Variants in SLC9A4 observed in about 807,000 individuals in gnomAD.
The protein encoded by SLC9A4 is sodium/hydrogen exchanger 4.
A neutral mutation model predicts 67.4 loss-of-function variants in SLC9A4; 63 were observed. The ratio of observed to expected loss-of-function variants is 0.93; its 90% CI spans 0.76 to 1.15. The LOEUF (loss-of-function observed/expected upper bound fraction) is 1.15. Among genes scored for constraint, SLC9A4 ranks in the 50% most tolerant of loss-of-function variants. The probability of loss-of-function intolerance (pLI) is 0.00; values close to 1 mark genes in which losing one functional copy is unlikely to be tolerated. For missense variants in SLC9A4, 1,089 were observed against 987.7 expected (o/e 1.10, Z -1.38); for synonymous variants, 393 against 367.2 (o/e 1.07, Z -0.80).
In SLC9A4 at chr2:102,479,035, C is replaced by T. The variant is rs61731285; in HGVS notation, c.453C>T (p.Phe151=). Residue 151 remains phenylalanine (F), a synonymous_variant, in exon 2 of 12, where the codon TTC becomes TTT. Transcript: ENST00000295269. Reference sequence around the variant, plus strand: ...GCTACTTCATGCCCACCCGGCCCTTCTTTGAGAACATCGGCTCCATCCTGT... The same window carrying T: ...GCTACTTCATGCCCACCCGGCCCTTTTTTGAGAACATCGGCTCCATCCTGT... ...EGGYFMPTRP[F]FENIGSILWW... is the part of the protein sequence containing the mutation. 8.4e-3 allele frequency: 13,526 copies of T among 1,614,158 alleles called. 636 individuals are homozygous for T. In the East Asian group the frequency reaches 0.12, roughly 14 times the overall value.
At chr2:102,485,573 A>G (rs1038987736) in intron 2 of SLC9A4, among the ~76,000 whole-genome samples, 1 of 152,170 alleles carries the variant, frequency 6.6e-6, no homozygotes, top group Non-Finnish European at 1.5e-5. Flanking sequence ...TCTCCATGCC[A>G]TTCCCTCCTG....
intron 6 of SLC9A4, among the ~76,000 whole-genome samples, chr2:102,511,771 T>C (rs1389655321): frequency 6.6e-6 from 1 of 151,952 alleles, no homozygotes; most frequent in Non-Finnish European, 1.5e-5. Flanking sequence ...AGAAATTATA[T>C]GATTGGATAA....
chr2:102,505,195 G>A (rs72825956), intron 3 of SLC9A4, 59 bp from the exon 4 acceptor site: 135,343 of 1,519,286 alleles, frequency 0.089, 6,672 homozygotes, highest in East Asian at 0.15. Flanking sequence ...TGTGGGGAGG[G>A]CGTTTTGTGG....
chr2:102,493,243 C>T (rs1224551135), intron 2 of SLC9A4, among the ~76,000 whole-genome samples: 1 of 149,390 alleles, frequency 6.7e-6, no homozygotes, highest in Non-Finnish European at 1.5e-5. Flanking sequence ...GTTCCAAAGT[C>T]ACTTTCACAT....
chr2:102,528,717 T>C (rs570784175), intron 11 of SLC9A4, among the ~76,000 whole-genome samples: 29 of 152,166 alleles, frequency 1.9e-4, no homozygotes, highest in African/African-American at 7.0e-4. Context: ...CAAAGTGGGG[T>C]TTATTCCAGA....
intron 2 of SLC9A4, among the ~76,000 whole-genome samples, chr2:102,487,063 T>A (rs955028033): frequency 6.6e-6 from 1 of 152,230 alleles, no homozygotes; most frequent in African/African-American, 2.4e-5. Flanking sequence ...GGCAGGAGTC[T>A]GGTGCCCATC....
Position 102,491,317 on chromosome 2 carries a change from C to CTTTTTTTTT in SLC9A4, c.720+12042_720+12050dup, listed in dbSNP as rs61708027. On this transcript the variant is annotated intron_variant, in intron 2 of 11. Coordinates refer to ENST00000295269, the MANE Select transcript of SLC9A4 (RefSeq NM_001011552.4). ...ATTTCTCTTCCCATTTGTACTAATG[C>CTTTTTTTTT]TTTTTTTTTTTTTTTTTTTTTTTTT... Among the ~76,000 whole-genome samples the CTTTTTTTTT allele has an allele frequency of 5.9e-4, 27 of 45,766 alleles. 3 individuals are homozygous for CTTTTTTTTT. The highest frequency in any genetic ancestry group is 1.8e-3 in the East Asian group (2 of 1,092). The allele number at this position is 45,766 out of a possible 152,430, so 30.0% of individuals were successfully genotyped here.
intron 9 of SLC9A4, among the ~76,000 whole-genome samples, chr2:102,521,135 A>T (rs1473971096): frequency 6.6e-6 from 1 of 152,202 alleles, no homozygotes; most frequent in Non-Finnish European, 1.5e-5. Context: ...GCTTAGTGAG[A>T]GCCAGAACCC....
intron 2 of SLC9A4, among the ~76,000 whole-genome samples, chr2:102,494,850 A>G (rs1684773377): frequency 6.6e-6 from 1 of 152,162 alleles, no homozygotes; most frequent in South Asian, 2.1e-4. Flanking sequence ...AAAAATTGAC[A>G]AATTGAAAGG....
Position 102,505,329 on chromosome 2 carries a change from G to A in SLC9A4, c.1056G>A (p.Lys352=), listed in dbSNP as rs753458823. The change falls in exon 4 of 12, where the codon AAG becomes AAA. Residue 352 remains lysine, a synonymous_variant. Transcript: ENST00000295269. The stretch of plus-strand genomic sequence containing the variant: ...CCCAGACATCATACACGACCATCAA[G>A]TACTTCATGAAGATGCTGAGCAGCG... The part of the protein sequence containing the change: ...NVSQTSYTTI[K]YFMKMLSSVS... 6.2e-6 allele frequency: 10 copies of A among 1,614,218 alleles called. No homozygotes were observed. Among genetic ancestry groups the A allele is most frequent in the Non-Finnish European group, 8.5e-6 (10 of 1,180,034 alleles).
chr2:102,480,756 G>T (rs1033313868), intron 2 of SLC9A4, among the ~76,000 whole-genome samples: 6 of 152,180 alleles, frequency 3.9e-5, no homozygotes, highest in African/African-American at 1.4e-4. Flanking sequence ...GTAAATGAGA[G>T]ATTCTCACTC....
At chr2:102,486,042 A>T (rs974488448) in intron 2 of SLC9A4, among the ~76,000 whole-genome samples, 5 of 152,208 alleles carry the variant, frequency 3.3e-5, no homozygotes, top group Non-Finnish European at 4.4e-5. Flanking sequence ...ATTTGAGGGC[A>T]AATTTTCCTT....
chr2:102,521,951 C>T (rs564909963), intron 9 of SLC9A4, among the ~76,000 whole-genome samples: 27 of 152,296 alleles, frequency 1.8e-4, no homozygotes, highest in African/African-American at 5.3e-4. Flanking sequence ...GGGTCTGTTG[C>T]TCCTAGGAGG....
chr2:102,479,753 A>G (rs531201091), intron 2 of SLC9A4, among the ~76,000 whole-genome samples: 3 of 152,326 alleles, frequency 2.0e-5, no homozygotes, highest in East Asian at 3.9e-4. Context: ...GAAATAAAAG[A>G]TAAGGGTCAG....
chr2:102,497,543 A>G (rs537150976), intron 2 of SLC9A4, among the ~76,000 whole-genome samples: 1 of 152,334 alleles, frequency 6.6e-6, no homozygotes, highest in East Asian at 1.9e-4. Flanking sequence ...CAACTTGGGC[A>G]ACTCAAAAAC....
chr2:102,480,575 A>G (rs961216964), intron 2 of SLC9A4, among the ~76,000 whole-genome samples: 1 of 152,212 alleles, frequency 6.6e-6, no homozygotes, highest in Non-Finnish European at 1.5e-5. Context: ...TCATTCTTAC[A>G]AGCAATGTTG....
intron 2 of SLC9A4, among the ~76,000 whole-genome samples, chr2:102,500,096 T>C (rs1439763173): frequency 6.6e-6 from 1 of 152,208 alleles, no homozygotes; most frequent in African/African-American, 2.4e-5. Context: ...GTTATCCTTA[T>C]TGAAGGCGAG....
intron 6 of SLC9A4, among the ~76,000 whole-genome samples, chr2:102,511,890 T>C (rs1685170067): frequency 6.6e-6 from 1 of 152,006 alleles, no homozygotes; most frequent in Non-Finnish European, 1.5e-5. Context: ...TCCGAGTGAT[T>C]TCAGTAATGA....
chr2:102,516,150 A>C (rs1303288655), intron 8 of SLC9A4, among the ~76,000 whole-genome samples: 1 of 152,192 alleles, frequency 6.6e-6, no homozygotes, highest in East Asian at 1.9e-4. Flanking sequence ...TCTGATCTCA[A>C]GGCAATCTTT....
Sources: allele counts gnomAD v4.1 joint callset (sites outside exome capture counted in the v4.1 genomes callset), GRCh38; gene constraint gnomAD v4.1.1; transcripts MANE v1.5; gene names NCBI Gene and HGNC (gene_info 2026-07-23, HGNC 2026-07-21).